The following HLCS variants were observed in gnomAD, a reference collection of about 807,000 sequenced individuals.
HLCS encodes biotin--protein ligase.
In HLCS, 53 loss-of-function variants were observed where a neutral mutation model predicts 75.0. The observed-to-expected ratio is 0.71, with a 90% CI of 0.57 to 0.89. The LOEUF (loss-of-function observed/expected upper bound fraction) is 0.89, where lower values mean the gene tolerates loss of function less well. Among genes scored for constraint, HLCS ranks in the 40% least tolerant of loss-of-function variants. The pLI is 0.00. For missense variants in HLCS, 966 were observed against 1,074.0 expected (o/e 0.90, Z 1.41); for synonymous variants, 431 against 428.6 (o/e 1.01, Z -0.07).
At chr21:36,877,810 G>A (rs1284787763) in intron 6 of HLCS, among the ~76,000 whole-genome samples, 1 of 152,072 alleles carries the variant, frequency 6.6e-6, no homozygotes, top group East Asian at 1.9e-4. Flanking sequence ...ACCTGGACAT[G>A]TATTTTGCCA....
chr21:36,969,976 A>G (rs529065707), upstream of HLCS, among the ~76,000 whole-genome samples: 66 of 152,224 alleles, frequency 4.3e-4, no homozygotes, highest in Non-Finnish European at 9.0e-4. Flanking sequence ...AAACCCATCA[A>G]CATGACCGGC....
chr21:36,793,155 T>C (rs2060920914), intron 6 of HLCS, among the ~76,000 whole-genome samples: 1 of 152,166 alleles, frequency 6.6e-6, no homozygotes, highest in African/African-American at 2.4e-5. Flanking sequence ...CTTCTTTCTA[T>C]TGCTCCATTC....
In HLCS at chr21:36,751,945, T is replaced by C. The variant is rs1365176747; in HGVS notation, c.*2301A>G. 6.6e-6 allele frequency: 1 copy of C among 152,430 alleles called. No individual in the cohort carries two copies. The highest frequency in any genetic ancestry group is 1.5e-5 in the Non-Finnish European group (1 of 68,040). 9.4% of individuals were successfully genotyped at this position (152,430 alleles called of 1,614,324 possible). On this transcript the variant is annotated 3_prime_UTR_variant, in exon 11 of 11. Transcript: ENST00000674895. ...TCATCAGGAAAATGCCAAGTTCCCA[T>C]TAAGACTTTAAAGCTCCTTGAGATC...
intron 6 of HLCS, among the ~76,000 whole-genome samples, chr21:36,825,324 G>A (rs2061972857): frequency 6.6e-6 from 1 of 152,078 alleles, no homozygotes; most frequent in African/African-American, 2.4e-5. Context: ...GAAGGTCACA[G>A]CTGCAGTAAG....
chr21:36,799,170 C>T (rs780007180), intron 6 of HLCS, among the ~76,000 whole-genome samples: 3 of 152,078 alleles, frequency 2.0e-5, no homozygotes, highest in Non-Finnish European at 4.4e-5. Flanking sequence ...GTCTATGATC[C>T]GTTTTGACTT....
intron 8 of HLCS, among the ~76,000 whole-genome samples, chr21:36,762,782 G>C (rs898178383): frequency 3.9e-5 from 6 of 152,180 alleles, no homozygotes; most frequent in Non-Finnish European, 8.8e-5. Flanking sequence ...CCCGTTCACC[G>C]CTGAAGGCAA....
intron 1 of HLCS, among the ~76,000 whole-genome samples, chr21:36,965,704 G>T (rs2146685165): frequency 6.6e-6 from 1 of 151,726 alleles, no homozygotes; most frequent in East Asian, 2.0e-4. Context: ...AAAAGCTGAT[G>T]ACACAGGTGG....
Position 36,930,439 on chromosome 21 carries a change from G to A in HLCS, c.1438-6C>T. On this transcript the variant is annotated splice_region_variant and splice_polypyrimidine_tract_variant and intron_variant, in intron 4 of 10. Coordinates refer to ENST00000674895, the MANE Select transcript of HLCS (RefSeq NM_001352514.2). ...GGAGGTAGTTCTAAGTGCACCTGAAGGGGAAAGATAGCACTATGTAAACTG... is the reference window on the plus strand; with the variant it reads ...GGAGGTAGTTCTAAGTGCACCTGAAAGGGAAAGATAGCACTATGTAAACTG... 6.2e-7 allele frequency: 1 copy of A among 1,612,418 alleles called. No individual in the cohort carries two copies. The highest frequency in any genetic ancestry group is 1.6e-4 in the Middle Eastern group (1 of 6,062).
intron 5 of HLCS, among the ~76,000 whole-genome samples, chr21:36,912,973 T>C (rs2065784164): frequency 6.6e-6 from 1 of 152,222 alleles, no homozygotes; most frequent in Non-Finnish European, 1.5e-5. Context: ...TGATTTTAAG[T>C]TCTGCTTAGG....
At chr21:36,795,268 T>C (rs1403154650) in intron 6 of HLCS, among the ~76,000 whole-genome samples, 2 of 152,168 alleles carry the variant, frequency 1.3e-5, no homozygotes, top group Non-Finnish European at 2.9e-5. Context: ...AGAAAGGAAA[T>C]GCGCTTCGTC....
At chr21:36,983,419 C>T (rs2069162945) in intron 1 of HLCS, among the ~76,000 whole-genome samples, 1 of 151,830 alleles carries the variant, frequency 6.6e-6, no homozygotes, top group Admixed American at 6.6e-5. Flanking sequence ...CTATGTTGGC[C>T]AGGCTGGTCT....
chr21:36,942,398 CAAAAAAAAAAA>C (rs55999516), intron 2 of HLCS, among the ~76,000 whole-genome samples: 48,576 of 80,108 alleles, frequency 0.61, 10,411 homozygotes, highest in Admixed American at 0.67. Context: ...GACTCCGTCT[CAAAAAAAAAAA>C]AAAAAAAAAA....
intron 5 of HLCS, among the ~76,000 whole-genome samples, chr21:36,921,835 G>A (rs1413275957): frequency 6.6e-6 from 1 of 152,014 alleles, no homozygotes; most frequent in Non-Finnish European, 1.5e-5. Flanking sequence ...TCGTGTCAAG[G>A]GAAAGTGCAT....
intron 6 of HLCS, among the ~76,000 whole-genome samples, chr21:36,822,971 T>C (rs1252850215): frequency 1.3e-5 from 2 of 152,230 alleles, no homozygotes; most frequent in Non-Finnish European, 2.9e-5. Flanking sequence ...AATTACCTGT[T>C]ATATTGATTA....
At chr21:36,809,899 C>T (rs1409982286) in intron 6 of HLCS, among the ~76,000 whole-genome samples, 1 of 152,164 alleles carries the variant, frequency 6.6e-6, no homozygotes, top group East Asian at 1.9e-4. Context: ...CTACCATGCC[C>T]AGCTAATTTT....
At chr21:36,932,143 T>C (rs2066676281) in intron 4 of HLCS, among the ~76,000 whole-genome samples, 2 of 152,322 alleles carry the variant, frequency 1.3e-5, no homozygotes, top group South Asian at 4.1e-4. Context: ...ACTGAAATAA[T>C]CAGGTAAATA....
chr21:36,815,292 G>T (rs563308288), intron 6 of HLCS, among the ~76,000 whole-genome samples: 122 of 152,160 alleles, frequency 8.0e-4, no homozygotes, highest in African/African-American at 2.8e-3. Flanking sequence ...GCCCCCCAAA[G>T]TGCTGGGATT....
chr21:36,771,748 C>T (rs6517381), intron 6 of HLCS, among the ~76,000 whole-genome samples: 99,489 of 152,068 alleles, frequency 0.65, 34,863 homozygotes, highest in African/African-American at 0.91. Flanking sequence ...CCTATAATCC[C>T]AGCACTTTGG....
At chr21:36,983,038 A>AAAAAAC (rs1471114911) in intron 1 of HLCS, among the ~76,000 whole-genome samples, 1 of 152,146 alleles carries the variant, frequency 6.6e-6, no homozygotes, top group African/African-American at 2.4e-5. Context: ...CGTCTCAAAA[A>AAAAAAC]AAAAACAAAA....
Sources: gnomAD v4.1 joint callset for allele counts (sites outside exome capture counted in the v4.1 genomes callset) on GRCh38, gnomAD v4.1.1 for gene constraint, MANE v1.5 for transcripts, NCBI Gene and HGNC (gene_info 2026-07-23, HGNC 2026-07-21) for gene names.